Variants in CD300A observed in about 807,000 individuals in gnomAD.
CD300A encodes CMRF35-like molecule 8.
A neutral mutation model predicts 33.6 loss-of-function variants in CD300A; 22 were observed. The observed-to-expected ratio is 0.66, with a 90% confidence interval of 0.47 to 0.94. CD300A has a LOEUF of 0.94. Among genes scored for constraint, CD300A ranks in the 40% least tolerant of loss-of-function variants. The probability of loss-of-function intolerance (pLI) is 0.00; values close to 1 mark genes in which losing one functional copy is unlikely to be tolerated. For missense variants in CD300A, 326 were observed against 360.5 expected (o/e 0.90, Z 0.77); for synonymous variants, 136 against 148.1 (o/e 0.92, Z 0.59).
chr17:74,470,687 C>T (rs934889564), intron 1 of CD300A, among the ~76,000 whole-genome samples: 8 of 152,084 alleles, frequency 5.3e-5, no homozygotes, highest in African/African-American at 7.2e-5. Context: ...CTCACTCTGT[C>T]GCCCAGGCTG....
intron 3 of CD300A, 148 bp downstream of exon 3, chr17:74,474,833 C>A: frequency 1.3e-6 from 1 of 775,400 alleles, no homozygotes; most frequent in Non-Finnish European, 1.9e-6. Context: ...CTGAACACCC[C>A]GGCTTGGACC....
chr17:74,474,154 CTGAG>C (rs1297835058), intron 2 of CD300A, among the ~76,000 whole-genome samples: 2 of 149,406 alleles, frequency 1.3e-5, no homozygotes, highest in East Asian at 4.0e-4. Context: ...GGAAGTGCAG[CTGAG>C]TGGGGGAGGG....
chr17:74,475,137 G>C (rs1356031546), intron 3 of CD300A, among the ~76,000 whole-genome samples: 1 of 152,114 alleles, frequency 6.6e-6, no homozygotes. Context: ...AAGGCAGAAG[G>C]CAAAAGGCAT....
intron 1 of CD300A, among the ~76,000 whole-genome samples, chr17:74,468,916 C>T (rs890267411): frequency 4.6e-5 from 7 of 152,164 alleles, no homozygotes; most frequent in East Asian, 1.9e-4. Context: ...CCTTGGCCTC[C>T]GGCCCCCACA....
chr17:74,473,443 C>G, intron 1 of CD300A, 93 bp from the exon 2 acceptor site: 1 of 1,239,674 alleles, frequency 8.1e-7, no homozygotes, highest in East Asian at 2.3e-5. Context: ...GCTGCCTCCT[C>G]CACACCCCCA....
At chr17:74,468,195 T>C (rs1407384185) in intron 1 of CD300A, among the ~76,000 whole-genome samples, 3 of 151,778 alleles carry the variant, frequency 2.0e-5, no homozygotes, top group Middle Eastern at 3.4e-3. Context: ...CCACCATGCC[T>C]GGTTAATTTT....
chr17:74,478,241 G>A (rs1230682418), intron 4 of CD300A, among the ~76,000 whole-genome samples: 3 of 152,190 alleles, frequency 2.0e-5, no homozygotes, highest in African/African-American at 7.2e-5. Context: ...CCAAAGAGTG[G>A]CTTGGGGCCC....
At chr17:74,482,719 T>TTTCGTTCTTTCGTTCTTTCG (rs1906973575) in intron 6 of CD300A, among the ~76,000 whole-genome samples, 5 of 137,758 alleles carry the variant, frequency 3.6e-5, no homozygotes, top group African/African-American at 1.6e-4. Flanking sequence ...TCTTTCTTTC[T>TTTCGTTCTTTCGTTCTTTCG]TTCTTTCTTT....
At chr17:74,472,610 C>G (rs1171281980) in intron 1 of CD300A, among the ~76,000 whole-genome samples, 1 of 148,976 alleles carries the variant, frequency 6.7e-6, no homozygotes, top group East Asian at 1.9e-4. Context: ...GCGTTTGTGA[C>G]TCTTTTTTTT....
intron 1 of CD300A, among the ~76,000 whole-genome samples, chr17:74,468,179 C>T (rs940097602): frequency 6.6e-6 from 1 of 151,928 alleles, no homozygotes; most frequent in East Asian, 1.9e-4. Context: ...AGATTACAGG[C>T]ATGTACCACC....
rs9901722 is a variant in CD300A, at chr17:74,484,458, G to T, written c.*332G>T. On this transcript the variant is annotated 3_prime_UTR_variant, in exon 7 of 7. Coordinates refer to ENST00000360141, the MANE Select transcript of CD300A (RefSeq NM_007261.4). ...GGCTCCAGGAAAAGATGTGGCTCAC[G>T]TAGGTGGCACCTGCCAATAGCTTTG... 1 of 197,938 alleles carries T rather than the reference G, an allele frequency of 5.1e-6. No individual in the cohort carries two copies. The highest frequency in any genetic ancestry group is 2.3e-5 in the African/African-American group (1 of 43,150). The allele number at this position is 197,938 out of a possible 1,614,324, so 12.3% of individuals were successfully genotyped here.
chr17:74,483,938 T>G, intron 6 of CD300A, 63 bp from the exon 7 acceptor site: 2 of 1,584,814 alleles, frequency 1.3e-6, no homozygotes, highest in Non-Finnish European at 1.7e-6. Flanking sequence ...CTCCATCCTA[T>G]GTTGGGGGTC....
At chr17:74,476,256 T>C (rs1166295864) in intron 3 of CD300A, among the ~76,000 whole-genome samples, 2 of 152,196 alleles carry the variant, frequency 1.3e-5, no homozygotes, top group Non-Finnish European at 2.9e-5. Flanking sequence ...CAGGTGTGAT[T>C]CATGAACAAC....
intron 6 of CD300A, among the ~76,000 whole-genome samples, chr17:74,482,459 G>C (rs1906924782): frequency 6.6e-6 from 1 of 151,908 alleles, no homozygotes; most frequent in South Asian, 2.1e-4. Context: ...GGACATTGTT[G>C]CTGGTCTGCC....
chr17:74,481,436 C>T, intron 5 of CD300A, 110 bp downstream of exon 5: 1 of 999,258 alleles, frequency 1.0e-6, no homozygotes, highest in East Asian at 2.4e-5. Flanking sequence ...GAGCGGGGAG[C>T]TCACCCAGAG....
rs1906541555 is a variant in CD300A at position 74,477,424 on chromosome 17, T to C, written c.534-12T>C. 2 of 1,608,384 alleles carry C rather than the reference T, an allele frequency of 1.2e-6. No homozygotes were observed. Among genetic ancestry groups the C allele is most frequent in the Non-Finnish European group, 1.7e-6 (2 of 1,175,454 alleles). On this transcript the variant is annotated splice_polypyrimidine_tract_variant and intron_variant, in intron 3 of 6. Coordinates refer to ENST00000360141, the MANE Select transcript of CD300A (RefSeq NM_007261.4). ...AGTTGGCCCCGCCCTTACCATCCTG[T>C]GCCTCCTCCAGGCTCCCGCTGCTCC...
intron 4 of CD300A, among the ~76,000 whole-genome samples, chr17:74,481,071 C>T (rs934245894): frequency 6.6e-6 from 1 of 152,148 alleles, no homozygotes; most frequent in Non-Finnish European, 1.5e-5. Context: ...TTCTATTTCT[C>T]CATTTATTCA....
At chr17:74,467,941 A>G (rs889919513) in intron 1 of CD300A, among the ~76,000 whole-genome samples, 4 of 152,336 alleles carry the variant, frequency 2.6e-5, no homozygotes, top group Admixed American at 1.3e-4. Flanking sequence ...ACTCAGGGAA[A>G]AAGGACCAGA....
chr17:74,477,121 T>C (rs1026471504), intron 3 of CD300A, among the ~76,000 whole-genome samples: 65 of 152,028 alleles, frequency 4.3e-4, no homozygotes, highest in African/African-American at 1.5e-3. Flanking sequence ...CATCCCAGCA[T>C]TTTGGGAGGC....
Sources: allele counts gnomAD v4.1 joint callset (sites outside exome capture counted in the v4.1 genomes callset), GRCh38; gene constraint gnomAD v4.1.1; transcripts MANE v1.5; gene names NCBI Gene and HGNC (gene_info 2026-07-23, HGNC 2026-07-21).